The following VWF variants were observed in gnomAD, a reference collection of about 807,000 sequenced individuals.
VWF encodes Factor VIII related antigen.
VWF carries 176 observed loss-of-function variants against 308.6 expected under a neutral mutation model. The observed-to-expected ratio is 0.57, with a 90% CI of 0.50 to 0.65. VWF has a LOEUF of 0.65. Ranked by LOEUF, VWF falls within the 30% of genes least tolerant of loss-of-function variation. VWF has a pLI of 0.00. For synonymous variants in VWF, 1,385 were observed against 1,443.4 expected (o/e 0.96, Z 0.92); for missense variants, 3,146 against 3,648.2 (o/e 0.86, Z 3.55).
rs561385709 is a variant in VWF, at chr12:6,048,609, C to A, written c.2187-1792G>T. On this transcript the variant is annotated intron_variant, in intron 16 of 51. Transcript: ENST00000261405. ...TCCAGAGTAGCTGGGATTACAGGCA[C>A]ACATCACCATGCCCAGCTAATTTTT... Among the ~76,000 whole-genome samples the A allele has an allele frequency of 1.2e-3, 184 of 152,260 alleles. 2 individuals are homozygous for A. Among genetic ancestry groups the A allele is most frequent in the African/African-American group, 4.0e-3 (165 of 41,534 alleles).
At chr12:6,056,615 G>A (rs991145364) in intron 15 of VWF, among the ~76,000 whole-genome samples, 5 of 152,138 alleles carry the variant, frequency 3.3e-5, no homozygotes, top group Non-Finnish European at 7.4e-5. Flanking sequence ...AGGCCTCCAG[G>A]TAGGAGGAGC....
chr12:6,052,849 A>T, intron 15 of VWF, 66 bp from the exon 16 acceptor site: 1 of 1,569,516 alleles, frequency 6.4e-7, no homozygotes. Flanking sequence ...TGGTTCTAGG[A>T]CTTGCCACCC....
chr12:6,091,499 T>C (rs1338789486), intron 6 of VWF, among the ~76,000 whole-genome samples: 5 of 152,208 alleles, frequency 3.3e-5, no homozygotes, highest in African/African-American at 1.2e-4. Flanking sequence ...TATTATATAC[T>C]GTCTCTATAG....
At chr12:6,031,106 C>T (rs563169510) in intron 21 of VWF, among the ~76,000 whole-genome samples, 2 of 152,006 alleles carry the variant, frequency 1.3e-5, no homozygotes, top group African/African-American at 4.8e-5. Flanking sequence ...ACTTCATACA[C>T]ACACACACAC....
At chr12:6,017,930 A>G (rs1944080866) in intron 28 of VWF, among the ~76,000 whole-genome samples, 1 of 152,062 alleles carries the variant, frequency 6.6e-6, no homozygotes, top group Non-Finnish European at 1.5e-5. Flanking sequence ...AATGTCAGCT[A>G]CTCGGAATAA....
At chr12:6,080,218 A>G (rs1944894657) in intron 6 of VWF, among the ~76,000 whole-genome samples, 2 of 152,214 alleles carry the variant, frequency 1.3e-5, no homozygotes, top group African/African-American at 2.4e-5. Flanking sequence ...AGCTTTTCAA[A>G]GACAGGAGCT....
In VWF at chr12:6,071,347, T is replaced by C; in HGVS notation, c.1110-4A>G. On this transcript the variant is annotated splice_polypyrimidine_tract_variant and splice_region_variant and intron_variant, in intron 9 of 51. Coordinates refer to ENST00000261405, the MANE Select transcript of VWF (RefSeq NM_000552.5). ...CCACTGGCTGTTTCGGCAAATGCTG[T>C]TGGAGGGAAAAAGCACAGGTCATTG... 1.2e-6 allele frequency: 2 copies of C among 1,614,060 alleles called. No individual in the cohort carries two copies. The highest frequency in any genetic ancestry group is 1.7e-6 in the Non-Finnish European group (2 of 1,179,998).
rs746364619 is a variant in VWF at position 5,964,219 on chromosome 12, AATACATACATACATACATACATAC to A, written c.7887+3243_7887+3266del. ...GCGACAGAGAGAGACTCTGTCTAAA[AATACATACATACATACATACATAC>A]ATACATGCATACATACATACATACA... is the stretch of plus-strand genomic sequence containing the variant. On this transcript the variant is annotated intron_variant, in intron 47 of 51. Coordinates refer to ENST00000261405, the MANE Select transcript of VWF (RefSeq NM_000552.5). 2.5e-5 allele frequency among the ~76,000 whole-genome samples: 3 copies of A among 118,234 alleles called. No homozygotes were observed. The South Asian group carries it at 8.0e-4, about 32-fold the overall frequency. The allele number at this position is 118,234 out of a possible 152,430, so 77.6% of individuals were successfully genotyped here.
At chr12:5,981,186 T>TG (rs1943600713) in intron 42 of VWF, among the ~76,000 whole-genome samples, 1 of 152,108 alleles carries the variant, frequency 6.6e-6, no homozygotes, top group Non-Finnish European at 1.5e-5. Flanking sequence ...GATGAATGGA[T>TG]GGGTGGATAG....
intron 14 of VWF, among the ~76,000 whole-genome samples, chr12:6,057,543 G>T (rs113526614): frequency 0.081 from 11,691 of 144,278 alleles, 563 homozygotes; most frequent in African/African-American, 0.12. Context: ...AGAAATGGGG[G>T]CTCCCTACGT....
chr12:6,087,932 G>A (rs965616016), intron 6 of VWF, among the ~76,000 whole-genome samples: 2 of 152,060 alleles, frequency 1.3e-5, no homozygotes, highest in Non-Finnish European at 2.9e-5. Flanking sequence ...TTTCTCAATA[G>A]AGACTGATCG....
At chr12:6,054,830 A>G (rs1321966718) in intron 15 of VWF, among the ~76,000 whole-genome samples, 2 of 152,212 alleles carry the variant, frequency 1.3e-5, no homozygotes, top group East Asian at 1.9e-4. Context: ...AGCTCTGTTC[A>G]TTTCTCTGGA....
intron 42 of VWF, among the ~76,000 whole-genome samples, chr12:5,978,827 C>T (rs1260396283): frequency 6.6e-6 from 1 of 152,180 alleles, no homozygotes; most frequent in African/African-American, 2.4e-5. Flanking sequence ...CGCCTAAATA[C>T]CACTTTCACT....
intron 34 of VWF, 58 bp from the exon 35 acceptor site, chr12:5,996,280 C>T: frequency 6.6e-7 from 1 of 1,516,292 alleles, no homozygotes; most frequent in Non-Finnish European, 9.0e-7. Context: ...ATGCCTACTA[C>T]ATGCAGACAG....
chr12:6,059,350 C>T (rs1332295910), intron 13 of VWF, among the ~76,000 whole-genome samples: 1 of 152,216 alleles, frequency 6.6e-6, no homozygotes, highest in African/African-American at 2.4e-5. Context: ...TCCATTAGAA[C>T]TTAAGCTAAA....
chr12:6,032,429 G>A (rs1479976470), intron 20 of VWF, among the ~76,000 whole-genome samples: 3 of 151,802 alleles, frequency 2.0e-5, no homozygotes, highest in African/African-American at 7.3e-5. Flanking sequence ...CACGAGGTCA[G>A]GAGATCGAGA....
At chr12:5,974,497 A>G (rs377616971) in intron 43 of VWF, among the ~76,000 whole-genome samples, 33 of 152,224 alleles carry the variant, frequency 2.2e-4, no homozygotes, top group East Asian at 1.2e-3. Context: ...AGCTCCCCCA[A>G]TAGTTGACTG....
At chr12:6,033,433 G>A (rs1944294531) in intron 20 of VWF, among the ~76,000 whole-genome samples, 1 of 152,254 alleles carries the variant, frequency 6.6e-6, no homozygotes. Flanking sequence ...GCTGGGAGCA[G>A]CAGATGCTGA....
intron 47 of VWF, among the ~76,000 whole-genome samples, chr12:5,967,159 A>G (rs1159560171): frequency 6.6e-6 from 1 of 152,214 alleles, no homozygotes; most frequent in Non-Finnish European, 1.5e-5. Context: ...AATTTTTAAT[A>G]TTTTCAAAGA....
Sources: gnomAD v4.1 joint callset for allele counts (sites outside exome capture counted in the v4.1 genomes callset) on GRCh38, gnomAD v4.1.1 for gene constraint, MANE v1.5 for transcripts, NCBI Gene and HGNC (gene_info 2026-07-23, HGNC 2026-07-21) for gene names.